Variants in DAB2IP observed in about 807,000 individuals in gnomAD.
DAB2IP encodes disabled homolog 2-interacting protein.
In DAB2IP, 28 loss-of-function variants were observed where a neutral mutation model predicts 107.2. The ratio of observed to expected loss-of-function variants is 0.26; its 90% CI spans 0.19 to 0.36. The LOEUF is 0.36. Among genes scored for constraint, DAB2IP ranks in the 10% least tolerant of loss-of-function variants. The pLI is 1.00. For synonymous variants in DAB2IP, 755 were observed against 706.4 expected (o/e 1.07, Z -1.09); for missense variants, 1,400 against 1,644.7 (o/e 0.85, Z 2.57).
At chr9:121,640,886 A>G (rs369443177) in intron 1 of DAB2IP, among the ~76,000 whole-genome samples, 9 of 152,252 alleles carry the variant, frequency 5.9e-5, no homozygotes, top group African/African-American at 2.2e-4. Context: ...TCTCAGGGCA[A>G]TGGGGGGCTG....
rs564530826 is a variant in DAB2IP at position 121,736,365 on chromosome 9, A to G, written c.363-20648A>G. ...GACCCAGACTCGCACGAAGGTGGGG[A>G]AGGAGTTGCAAGGCAGAGACCCCCG... is the stretch of plus-strand genomic sequence containing the variant. On this transcript the variant is annotated intron_variant, in intron 3 of 15. Coordinates refer to ENST00000408936, the Ensembl canonical transcript of DAB2IP. This position sits in a 1 kb window ranked among gnomAD's most constrained non-coding sequence, Gnocchi z 4.6. Among the ~76,000 whole-genome samples, 260 of 152,026 alleles carry G rather than the reference A, an allele frequency of 1.7e-3. 2 individuals are homozygous for G. The highest frequency in any genetic ancestry group is 0.015 in the Admixed American group (233 of 15,300).
chr9:121,768,636 G>A lies in DAB2IP; in HGVS notation c.1899+3G>A. 4 of 1,613,348 alleles carry A rather than the reference G, an allele frequency of 2.5e-6. No homozygotes were observed. Among genetic ancestry groups the A allele is most frequent in the Non-Finnish European group, 3.4e-6 (4 of 1,180,004 alleles). On this transcript the variant is annotated splice_donor_region_variant and intron_variant, in intron 10 of 15. Coordinates refer to ENST00000408936, the Ensembl canonical transcript of DAB2IP. Reference sequence around the variant, plus strand: ...AGGCCGTCAGCCAGCTGGAGCAGGTGCCTGTTGCCGTGGGGCGGAGGTGGG... The same window carrying A: ...AGGCCGTCAGCCAGCTGGAGCAGGTACCTGTTGCCGTGGGGCGGAGGTGGG...
At chr9:121,742,164 ATGC>A (rs1351193959) in intron 3 of DAB2IP, among the ~76,000 whole-genome samples, 1 of 152,188 alleles carries the variant, frequency 6.6e-6, no homozygotes, top group Non-Finnish European at 1.5e-5. Flanking sequence ...ACGGTGGCTC[ATGC>A]CTATAATCCC....
intron 11 of DAB2IP, 120 bp downstream of exon 11, chr9:121,770,844 A>C (rs928082527): frequency 8.9e-6 from 12 of 1,355,844 alleles, no homozygotes; most frequent in Non-Finnish European, 1.2e-5. Flanking sequence ...AAGCCTGGCA[A>C]GACTTGAGTT....
intron 1 of DAB2IP, among the ~76,000 whole-genome samples, chr9:121,670,252 TG>T (rs768297660): frequency 2.6e-5 from 4 of 152,248 alleles, no homozygotes; most frequent in Non-Finnish European, 5.9e-5. Flanking sequence ...GTATCAATAG[TG>T]TGTTTCTTTT....
intron 1 of DAB2IP, among the ~76,000 whole-genome samples, chr9:121,574,639 T>A (rs1830016323): frequency 6.6e-6 from 1 of 152,136 alleles, no homozygotes. Context: ...AGAAGGGCCC[T>A]GCCACACAGC....
At chr9:121,784,420 T>C (rs2119053683) in exon 16 of DAB2IP, 1 of 153,012 alleles carries the variant, frequency 6.5e-6, no homozygotes, top group East Asian at 1.9e-4. Flanking sequence ...CCCCTAGCAA[T>C]ACAGGGAGGC....
In DAB2IP at chr9:121,750,492, C is replaced by G. The variant is rs552528931; in HGVS notation, c.363-6521C>G. On this transcript the variant is annotated intron_variant, in intron 3 of 15. Coordinates refer to ENST00000408936, the Ensembl canonical transcript of DAB2IP. ...ACAGGGAGCCCACTCTCTCTAAAAC[C>G]AGACGAGCCTGGCCCATTCAAGGAC... is the stretch of plus-strand genomic sequence containing the variant. Among the ~76,000 whole-genome samples, 56 of 152,300 alleles carry G rather than the reference C, an allele frequency of 3.7e-4. No homozygotes were observed. The South Asian group carries it at 0.011, about 29-fold the overall frequency.
At position 121,672,210 on chromosome 9, in the gene DAB2IP, C is replaced by T. The variant is rs554829579; in HGVS notation, c.125-6468C>T. On this transcript the variant is annotated intron_variant, in intron 1 of 15. Coordinates refer to ENST00000408936, the Ensembl canonical transcript of DAB2IP. Reference sequence around the variant, plus strand: ...CTGAGACTTTTAATTTGCATTTTCCCGATCACTGCCGAGGACACAGGGACA... The same window carrying T: ...CTGAGACTTTTAATTTGCATTTTCCTGATCACTGCCGAGGACACAGGGACA... Among the ~76,000 whole-genome samples the T allele has an allele frequency of 2.6e-5, 4 of 152,284 alleles. No individual in the cohort carries two copies. In the South Asian group the frequency reaches 6.2e-4, roughly 24 times the overall value.
intron 3 of DAB2IP, among the ~76,000 whole-genome samples, chr9:121,749,437 G>A (rs1304686401): frequency 1.3e-5 from 2 of 152,214 alleles, no homozygotes; most frequent in East Asian, 3.9e-4. Flanking sequence ...TAGAGAGTCT[G>A]CTGAAGTCCT....
At chr9:121,737,639 G>A (rs1832022702) in intron 3 of DAB2IP, 2 of 985,466 alleles carry the variant, frequency 2.0e-6, no homozygotes, top group South Asian at 4.7e-5. Flanking sequence ...TCGGAAGCCA[G>A]ATCTGGCTCC....
intron 14 of DAB2IP, among the ~76,000 whole-genome samples, chr9:121,780,012 G>A (rs1024747762): frequency 1.8e-4 from 27 of 152,104 alleles, no homozygotes; most frequent in African/African-American, 6.3e-4. Context: ...TTATTGTACT[G>A]CATTGCCTGT....
chr9:121,569,553 C>T (rs1264170466), intron 1 of DAB2IP, among the ~76,000 whole-genome samples: 1 of 152,226 alleles, frequency 6.6e-6, no homozygotes, highest in African/African-American at 2.4e-5. Context: ...GGCGCAGTGG[C>T]TCATGCCTGA....
In DAB2IP at chr9:121,769,718, C is replaced by T. The variant is rs545510202; in HGVS notation, c.1900-828C>T. Among the ~76,000 whole-genome samples, 40 of 152,340 alleles carry T rather than the reference C, an allele frequency of 2.6e-4. 3 individuals are homozygous for T. In the South Asian group the frequency reaches 7.9e-3, roughly 30 times the overall value. ...TGAGGGCTGAGACCCTACATTCCAC[C>T]TGTTCCAGTCCCTGCACTGCAGCCA... is the stretch of plus-strand genomic sequence containing the variant. On this transcript the variant is annotated intron_variant, in intron 10 of 15. Transcript: ENST00000408936.
At chr9:121,726,729 T>C (rs1394998934) in intron 3 of DAB2IP, among the ~76,000 whole-genome samples, 6 of 152,186 alleles carry the variant, frequency 3.9e-5, no homozygotes, top group Admixed American at 3.9e-4. Flanking sequence ...GTTGGAAGTA[T>C]TCTGCTTTGT....
chr9:121,598,200 G>C (rs1446846501), intron 1 of DAB2IP: 1 of 152,342 alleles, frequency 6.6e-6, no homozygotes, highest in African/African-American at 2.4e-5. Context: ...GGAATGCGAA[G>C]GATCAGCTTT....
intron 1 of DAB2IP, 150 bp downstream of exon 1, chr9:121,652,049 T>G (rs928426823): frequency 1.7e-5 from 11 of 654,656 alleles, no homozygotes; most frequent in Non-Finnish European, 2.0e-5. Context: ...GGACCCCCCA[T>G]TCCCCCAGCT....
intron 3 of DAB2IP, among the ~76,000 whole-genome samples, chr9:121,713,574 C>T (rs1830442259): frequency 6.6e-6 from 1 of 152,126 alleles, no homozygotes; most frequent in African/African-American, 2.4e-5. Context: ...TCAACTTTGG[C>T]CAGTAGTGGT....
intron 3 of DAB2IP, among the ~76,000 whole-genome samples, chr9:121,728,320 C>T (rs113840414): frequency 2.0e-5 from 3 of 152,148 alleles, no homozygotes; most frequent in East Asian, 1.9e-4. Flanking sequence ...CCTGTGGGCT[C>T]ATCAGTTAGA....
Sources: allele counts gnomAD v4.1 joint callset (sites outside exome capture counted in the v4.1 genomes callset), GRCh38; gene constraint gnomAD v4.1.1; non-coding constraint Gnocchi (gnomAD v3.1); transcripts MANE v1.5; gene names NCBI Gene and HGNC (gene_info 2026-07-23, HGNC 2026-07-21).